IQCH: variants seen among roughly 807,000 people sequenced by gnomAD.
IQCH encodes IQ domain-containing protein H.
Under a neutral mutation model 117.0 loss-of-function variants are expected in IQCH, and 98 were observed. The ratio of observed to expected loss-of-function variants is 0.84; its 90% CI spans 0.71 to 0.99. The LOEUF is 0.99. IQCH is among the 50% of genes least tolerant of loss of function. The pLI is 0.00. For synonymous variants in IQCH, 412 were observed against 448.2 expected (o/e 0.92, Z 1.02); for missense variants, 1,102 against 1,243.8 (o/e 0.89, Z 1.72).
intron 4 of IQCH, among the ~76,000 whole-genome samples, chr15:67,313,124 T>A (rs1967681045): frequency 6.6e-6 from 1 of 152,158 alleles, no homozygotes; most frequent in South Asian, 2.1e-4. Flanking sequence ...AAATACCAGA[T>A]TTATATAATT....
rs369576877 is a variant in IQCH at position 67,410,533 on chromosome 15, A to AG, written c.2098-6397dup. ...AAGAGCATAAAGCTGCTTTCTCAGA[A>AG]GCCCCAGGAAGTGCTTCCTAATATT... On this transcript the variant is annotated intron_variant, in intron 14 of 20. Coordinates refer to ENST00000335894, the MANE Select transcript of IQCH (RefSeq NM_001031715.3). Among the ~76,000 whole-genome samples, 130 of 152,322 alleles carry AG rather than the reference A, an allele frequency of 8.5e-4. 6 individuals carry two copies. Among genetic ancestry groups the AG allele is most frequent in the Middle Eastern group, 6.8e-3 (2 of 294 alleles).
rs6494655 is a variant in IQCH, at chr15:67,401,770, G to A, written c.2097+1465G>A. On this transcript the variant is annotated intron_variant, in intron 14 of 20. Coordinates refer to ENST00000335894, the MANE Select transcript of IQCH (RefSeq NM_001031715.3). This position sits in a 1 kb window ranked among gnomAD's most constrained non-coding sequence, Gnocchi z 4.7. Reference sequence around the variant, plus strand: ...CATATTATTTAAAAGACACCAAAATGAATTACTCTTCTAGATAAAGATAAA... The same window carrying A: ...CATATTATTTAAAAGACACCAAAATAAATTACTCTTCTAGATAAAGATAAA... Among the ~76,000 whole-genome samples, 148,670 of 152,318 alleles carry A rather than the reference G, an allele frequency of 0.98. 72,658 individuals are homozygous for A. Among genetic ancestry groups the A allele is most frequent in the Non-Finnish European group, 1 (68,016 of 68,046 alleles).
At position 67,386,976 on chromosome 15, in the gene IQCH, A is replaced by G. The variant is rs754789442; in HGVS notation, c.1457-1855A>G. On this transcript the variant is annotated intron_variant, in intron 11 of 20. Transcript: ENST00000335894. This position sits in a 1 kb window ranked among gnomAD's most constrained non-coding sequence, Gnocchi z 5.0. ...ACCTAGAAATTTTCTTCCCAAGAAA[A>G]AAATTATTTTTCATCTGTTACAGTC... 3.9e-5 allele frequency among the ~76,000 whole-genome samples: 6 copies of G among 152,170 alleles called. No homozygotes were observed. The highest frequency in any genetic ancestry group is 5.9e-5 in the Non-Finnish European group (4 of 68,024).
chr15:67,277,382 G>A (rs1389500805), intron 3 of IQCH, among the ~76,000 whole-genome samples: 2 of 151,382 alleles, frequency 1.3e-5, no homozygotes, highest in Non-Finnish European at 2.9e-5. Flanking sequence ...ATTTTTTATC[G>A]AAGCCTAGAT....
rs1040814768 is a variant in IQCH, at chr15:67,424,556, C to T, written c.2505+2979C>T. ...CTGTATTCTCAGCACTTACTTCTGT[C>T]CTGGCACAAAGTAGGTATTCAGTAA... On this transcript the variant is annotated intron_variant, in intron 16 of 20. Coordinates refer to ENST00000335894, the MANE Select transcript of IQCH (RefSeq NM_001031715.3). This position sits in a 1 kb window ranked among gnomAD's most constrained non-coding sequence, Gnocchi z 4.9. Among the ~76,000 whole-genome samples, 44 of 152,280 alleles carry T rather than the reference C, an allele frequency of 2.9e-4. No homozygotes were observed. The highest frequency in any genetic ancestry group is 2.0e-4 in the Admixed American group (3 of 15,298).
chr15:67,400,138 A>G lies in IQCH; in HGVS notation c.1930A>G (p.Ile644Val). Residue 644 changes from isoleucine (I) to valine (V), a missense_variant, in exon 14 of 21, where the codon ATA becomes GTA. This residue lies in a region of IQCH where 650 missense variants were observed against 794.3 expected (regional missense o/e 0.82). Coordinates refer to ENST00000335894, the MANE Select transcript of IQCH (RefSeq NM_001031715.3). ...GATGATAGAGCAGCTGAGTCAGCTG[A>G]TAACTGATCACCTGCAAATACAGCG... ...QQMIEQLSQL[I>V]TDHLQIQRWL... The G allele has an allele frequency of 6.2e-7, 1 of 1,613,768 alleles. No individual in the cohort carries two copies. Among genetic ancestry groups the G allele is most frequent in the Non-Finnish European group, 8.5e-7 (1 of 1,179,770 alleles).
At position 67,491,234 on chromosome 15, in the gene IQCH, C is replaced by T. The variant is rs1273732362; in HGVS notation, c.2861+1170C>T. Among the ~76,000 whole-genome samples, 2 of 152,188 alleles carry T rather than the reference C, an allele frequency of 1.3e-5. No homozygotes were observed. The highest frequency in any genetic ancestry group is 3.9e-4 in the East Asian group (2 of 5,164). On this transcript the variant is annotated intron_variant, in intron 19 of 20. Coordinates refer to ENST00000335894, the MANE Select transcript of IQCH (RefSeq NM_001031715.3). This position sits in a 1 kb window ranked among gnomAD's most constrained non-coding sequence, Gnocchi z 4.9. ...CTACACCCTACTATGGTCAGTCTCC[C>T]GGAAACTGATCCAAAGAGGTGCACA... is the stretch of plus-strand genomic sequence containing the variant.
chr15:67,262,646 T>C (rs1301452333), intron 2 of IQCH, among the ~76,000 whole-genome samples: 1 of 152,142 alleles, frequency 6.6e-6, no homozygotes. Flanking sequence ...TAAAAATGCA[T>C]TGACTATTGT....
chr15:67,307,499 T>TGGGGTG (rs1967360617), intron 4 of IQCH, among the ~76,000 whole-genome samples: 1 of 5,450 alleles, frequency 1.8e-4, no homozygotes, highest in African/African-American at 8.7e-4. Context: ...AAGTAAGGGG[T>TGGGGTG]GGGGTGGGGG....
In IQCH at chr15:67,454,626, G is replaced by A. The variant is rs1316195826; in HGVS notation, c.2506-10501G>A. ...CATCTCCATGGATTTCCCTATTCTA[G>A]GCATTTTATATAAATGAGATCATAC... is the stretch of plus-strand genomic sequence containing the variant. On this transcript the variant is annotated intron_variant, in intron 16 of 20. Transcript: ENST00000335894. The surrounding 1 kb of genome is among the most constrained non-coding windows in gnomAD (Gnocchi z 5.2). Among the ~76,000 whole-genome samples, 3 of 152,080 alleles carry A rather than the reference G, an allele frequency of 2.0e-5. No homozygotes were observed. The highest frequency in any genetic ancestry group is 4.8e-5 in the African/African-American group (2 of 41,418).
At chr15:67,272,169 C>T (rs1243763955) in intron 3 of IQCH, among the ~76,000 whole-genome samples, 2 of 151,980 alleles carry the variant, frequency 1.3e-5, no homozygotes, top group Admixed American at 1.3e-4. Context: ...TCTTTATTGA[C>T]TGTCATTCAG....
At chr15:67,311,427 A>G (rs1250021056) in intron 4 of IQCH, among the ~76,000 whole-genome samples, 1 of 151,658 alleles carries the variant, frequency 6.6e-6, no homozygotes, top group Non-Finnish European at 1.5e-5. Flanking sequence ...AACAAATTGT[A>G]TTCTGTGATA....
intron 17 of IQCH, among the ~76,000 whole-genome samples, chr15:67,470,571 A>C (rs1428241176): frequency 2.0e-5 from 3 of 152,218 alleles, no homozygotes; most frequent in Admixed American, 6.5e-5. Flanking sequence ...GGAAAAGAGC[A>C]TGTCACTTAT....
At chr15:67,304,583 G>T in intron 4 of IQCH, 1 of 477,972 alleles carries the variant, frequency 2.1e-6, no homozygotes, top group Middle Eastern at 5.6e-4. Context: ...ATTTTTTGGA[G>T]ATGAAATGGC....
rs557674099 is a variant in IQCH, at chr15:67,322,295, A to G, written c.388-14680A>G. ...TCTTAAAGTCTACTTTGATATTAATATAATTACTTCATCTCTATTTTGCTT... is the reference window on the plus strand; with the variant it reads ...TCTTAAAGTCTACTTTGATATTAATGTAATTACTTCATCTCTATTTTGCTT... On this transcript the variant is annotated intron_variant, in intron 4 of 20. Transcript: ENST00000335894. Among the ~76,000 whole-genome samples, 13 of 152,292 alleles carry G rather than the reference A, an allele frequency of 8.5e-5. No homozygotes were observed. In the South Asian group the frequency reaches 1.2e-3, roughly 15 times the overall value.
chr15:67,396,023 G>A (rs1306521899), intron 13 of IQCH, among the ~76,000 whole-genome samples: 1 of 152,076 alleles, frequency 6.6e-6, no homozygotes. Context: ...TGTTAGTCTT[G>A]CAGAAATTGC....
intron 1 of IQCH, among the ~76,000 whole-genome samples, chr15:67,258,891 G>T (rs1965343417): frequency 1.3e-5 from 2 of 152,140 alleles, no homozygotes; most frequent in Admixed American, 1.3e-4. Flanking sequence ...TTCTACCCAA[G>T]TCTGGTTAAC....
In IQCH at chr15:67,353,145, C is replaced by CA. The variant is rs1395691593; in HGVS notation, c.638-4189dup. On this transcript the variant is annotated intron_variant, in intron 6 of 20. Transcript: ENST00000335894. ...TGAGTGACAGAGCGAGACTCAGTCT[C>CA]AAAAAAAAAAATAAAGAAAAAAGAA... Among the ~76,000 whole-genome samples, 146 of 115,148 alleles carry CA rather than the reference C, an allele frequency of 1.3e-3. 1 individual carries two copies. Among genetic ancestry groups the CA allele is most frequent in the Admixed American group, 4.4e-3 (47 of 10,568 alleles). 75.5% of individuals were successfully genotyped at this position (115,148 alleles called of 152,430 possible). A position where few individuals can be genotyped will look rare whatever the true frequency, so the allele number is the denominator to read the frequency against.
At chr15:67,323,239 A>ATTTTTT (rs578260011) in intron 4 of IQCH, among the ~76,000 whole-genome samples, 3 of 98,906 alleles carry the variant, frequency 3.0e-5, no homozygotes, top group Admixed American at 1.2e-4. Flanking sequence ...TTAGGGTTAC[A>ATTTTTT]TTTTTTTTTT....
Sources: gnomAD v4.1 joint callset for allele counts (sites outside exome capture counted in the v4.1 genomes callset) on GRCh38, gnomAD v4.1.1 for gene constraint, gnomAD v4.1.1 regional missense constraint, Gnocchi (gnomAD v3.1) non-coding constraint, MANE v1.5 for transcripts, NCBI Gene and HGNC (gene_info 2026-07-23, HGNC 2026-07-21) for gene names.